TMEM164: variants seen among roughly 807,000 people sequenced by gnomAD.
TMEM164 encodes the protein transmembrane protein 164, also known as RP13-360B22.2.
A neutral mutation model predicts 18.8 loss-of-function variants in TMEM164; 4 were observed. That is an observed-to-expected ratio of 0.21 (90% CI 0.10 to 0.49). The LOEUF is 0.49. Among genes scored for constraint, TMEM164 ranks in the 20% least tolerant of loss-of-function variants. The pLI is 0.98. For synonymous variants in TMEM164, 86 were observed against 101.7 expected (o/e 0.85, Z 0.93); for missense variants, 108 against 239.9 (o/e 0.45, Z 3.63).
rs149092176 is a variant in TMEM164 at position 110,016,779 on chromosome X, C to T, written c.390+12615C>T. Among the ~76,000 whole-genome samples the T allele has an allele frequency of 4.9e-3, 537 of 110,575 alleles. 3 individuals carry two copies. The highest frequency in any genetic ancestry group is 0.015 in the African/African-American group (468 of 30,480). Reference sequence around the variant, plus strand: ...TCAAGCGATCCTCTTGACTCAGCCTCCCAAGTAGCTGGAACCACAGGCACG... The same window carrying T: ...TCAAGCGATCCTCTTGACTCAGCCTTCCAAGTAGCTGGAACCACAGGCACG... On this transcript the variant is annotated intron_variant, in intron 2 of 6. Coordinates refer to ENST00000372068, the MANE Select transcript of TMEM164 (RefSeq NM_032227.4).
chrX:110,032,046 T>C, intron 2 of TMEM164, among the ~76,000 whole-genome samples: 1 of 111,485 alleles, frequency 9.0e-6, no homozygotes, highest in East Asian at 2.8e-4. Context: ...TCCAGCTTGA[T>C]GGGGGAGAGG....
intron 4 of TMEM164, among the ~76,000 whole-genome samples, chrX:110,116,740 A>G (rs1317462288): frequency 9.0e-6 from 1 of 111,348 alleles, no homozygotes; most frequent in East Asian, 2.8e-4. Flanking sequence ...TCTTTTACAC[A>G]TATCTCACCC....
chrX:110,039,074 C>T (rs1934978430), intron 2 of TMEM164, among the ~76,000 whole-genome samples: 1 of 111,602 alleles, frequency 9.0e-6, no homozygotes, highest in Admixed American at 9.5e-5. Context: ...TTTCTTTGAA[C>T]CTCAGTTTAC....
rs758079878 is a variant in TMEM164 at position 110,015,866 on chromosome X, C to A, written c.390+11702C>A. Among the ~76,000 whole-genome samples the A allele has an allele frequency of 9.8e-5, 11 of 112,565 alleles. No homozygotes were observed. In the South Asian group the frequency reaches 4.0e-3, roughly 41 times the overall value. Reference sequence around the variant, plus strand: ...TTCACCTTTCCTCAGAATAGCCCTGCAAGCTAGCACCAAGCCAAGGTTATG... The same window carrying A: ...TTCACCTTTCCTCAGAATAGCCCTGAAAGCTAGCACCAAGCCAAGGTTATG... On this transcript the variant is annotated intron_variant, in intron 2 of 6. Coordinates refer to ENST00000372068, the MANE Select transcript of TMEM164 (RefSeq NM_032227.4).
intron 6 of TMEM164, among the ~76,000 whole-genome samples, chrX:110,172,580 T>C (rs2067246027): frequency 9.0e-6 from 1 of 111,508 alleles, no homozygotes; most frequent in Non-Finnish European, 1.9e-5. Context: ...CCCTTACCAC[T>C]TGCTGCTCTC....
intron 5 of TMEM164, 27 bp from the exon 6 acceptor site, chrX:110,171,393 A>T (rs2067228809): frequency 9.0e-7 from 1 of 1,105,561 alleles, no homozygotes; most frequent in Non-Finnish European, 1.2e-6. Context: ...TATTCCTGCC[A>T]TCTCACCATC....
chrX:110,074,784 A>G (rs1050002939), intron 3 of TMEM164, among the ~76,000 whole-genome samples: 1 of 111,544 alleles, frequency 9.0e-6, no homozygotes, highest in Non-Finnish European at 1.9e-5. Context: ...ATGGCTTTAT[A>G]TCTGTGTTCT....
At chrX:110,044,924 G>A (rs767861958) in intron 2 of TMEM164, among the ~76,000 whole-genome samples, 1 of 111,228 alleles carries the variant, frequency 9.0e-6, no homozygotes, top group African/African-American at 3.3e-5. Context: ...GCCAAGAAGT[G>A]GAAGAAGACA....
intron 2 of TMEM164, among the ~76,000 whole-genome samples, chrX:110,043,813 C>A (rs1314066583): frequency 8.9e-6 from 1 of 112,253 alleles, no homozygotes; most frequent in Non-Finnish European, 1.9e-5. Flanking sequence ...TTTTTCTTTA[C>A]ACATTTTTTT....
intron 5 of TMEM164, among the ~76,000 whole-genome samples, chrX:110,145,337 G>T (rs765291260): frequency 9.0e-6 from 1 of 111,566 alleles, no homozygotes; most frequent in South Asian, 3.8e-4. Context: ...GAGGGGAGAG[G>T]CAGGTGAAAG....
At chrX:110,155,090 TAGAGG>T (rs2148094942) in intron 5 of TMEM164, among the ~76,000 whole-genome samples, 1 of 111,935 alleles carries the variant, frequency 8.9e-6, no homozygotes, top group African/African-American at 3.2e-5. Context: ...CTGCCGTCTC[TAGAGG>T]TCAGGATTGT....
At chrX:110,076,812 C>G (rs2065677993) in intron 3 of TMEM164, among the ~76,000 whole-genome samples, 1 of 111,968 alleles carries the variant, frequency 8.9e-6, no homozygotes. Context: ...CACTGTGGAA[C>G]AAGAGTATGC....
downstream of TMEM164, chrX:110,182,545 C>CT (rs2067327625): frequency 8.9e-6 from 1 of 111,952 alleles, no homozygotes; most frequent in Non-Finnish European, 1.9e-5. Flanking sequence ...ACTCAGCCTG[C>CT]TTCCCTGGGG....
At chrX:110,002,711 C>T (rs1932379811), upstream of TMEM164, 1 of 112,873 alleles carries the variant, frequency 8.9e-6, no homozygotes, top group Non-Finnish European at 1.9e-5. Flanking sequence ...AACCGAGCGC[C>T]CGGCGCGGAG....
At chrX:110,137,598 C>T (rs1003190181) in intron 4 of TMEM164, among the ~76,000 whole-genome samples, 22 of 111,898 alleles carry the variant, frequency 2.0e-4, no homozygotes, top group African/African-American at 7.2e-4. Context: ...AAACTACATA[C>T]CATGCATGCC....
intron 4 of TMEM164, among the ~76,000 whole-genome samples, chrX:110,112,421 G>A (rs1160708196): frequency 9.0e-6 from 1 of 111,442 alleles, no homozygotes; most frequent in Non-Finnish European, 1.9e-5. Flanking sequence ...CCTCCCTTCT[G>A]AGGTGGGAGG....
chrX:110,136,219 T>A (rs769326116), intron 4 of TMEM164, among the ~76,000 whole-genome samples: 12 of 111,834 alleles, frequency 1.1e-4, no homozygotes, highest in African/African-American at 3.6e-4. Context: ...GGCAATGTGG[T>A]ATTCTGTACC....
chrX:110,167,260 C>G (rs1353113252), intron 5 of TMEM164, among the ~76,000 whole-genome samples: 1 of 112,347 alleles, frequency 8.9e-6, no homozygotes, highest in Non-Finnish European at 1.9e-5. Flanking sequence ...AGCCCACCAG[C>G]AGGAAAACAG....
chrX:110,108,183 G>A (rs73636943), intron 3 of TMEM164, among the ~76,000 whole-genome samples: 2,611 of 101,601 alleles, frequency 0.026, 112 homozygotes, highest in African/African-American at 0.09. Context: ...GTGTTGCCTC[G>A]GTGGTGGTTG....
Sources: allele counts gnomAD v4.1 joint callset (sites outside exome capture counted in the v4.1 genomes callset), GRCh38; gene constraint gnomAD v4.1.1; transcripts MANE v1.5; gene names NCBI Gene and HGNC (gene_info 2026-07-23, HGNC 2026-07-21).